CDK6: variants seen among roughly 807,000 people sequenced by gnomAD.
CDK6 encodes cyclin-dependent kinase 6.
A neutral mutation model predicts 37.1 loss-of-function variants in CDK6; 6 were observed. That is an observed-to-expected ratio of 0.16 (90% CI 0.09 to 0.32). The LOEUF is 0.32. Among genes scored for constraint, CDK6 ranks in the 10% least tolerant of loss-of-function variants. CDK6 has a pLI of 1.00. For synonymous variants in CDK6, 160 were observed against 161.3 expected (o/e 0.99, Z 0.06); for missense variants, 224 against 418.9 (o/e 0.53, Z 4.06).
chr7:92,676,157 C>A (rs1271664420), intron 4 of CDK6, among the ~76,000 whole-genome samples: 1 of 151,550 alleles, frequency 6.6e-6, no homozygotes, highest in East Asian at 1.9e-4. Flanking sequence ...TAGCTCATTT[C>A]TTTTCCATTT....
chr7:92,610,049 C>T lies in CDK6; in HGVS notation c.*5091G>A, dbSNP rs1230593826. 2 of 229,692 alleles carry T rather than the reference C, an allele frequency of 8.7e-6. No homozygotes were observed. Among genetic ancestry groups the T allele is most frequent in the South Asian group, 1.8e-4 (1 of 5,494 alleles). The allele number at this position is 229,692 out of a possible 1,614,324, so 14.2% of individuals were successfully genotyped here. A position where few individuals can be genotyped will look rare whatever the true frequency, so the allele number is the denominator to read the frequency against. On this transcript the variant is annotated 3_prime_UTR_variant, in exon 8 of 8. Coordinates refer to ENST00000424848, the MANE Select transcript of CDK6 (RefSeq NM_001145306.2). ...TAGAATGAAATCTCTTTTAGAAGTA[C>T]CTCTTTAGTCTTCATCAGATTTGTT...
At chr7:92,642,735 G>A (rs1296299155) in intron 5 of CDK6, among the ~76,000 whole-genome samples, 2 of 152,052 alleles carry the variant, frequency 1.3e-5, no homozygotes, top group Non-Finnish European at 2.9e-5. Flanking sequence ...GGAAACTGAG[G>A]TTGAGGGATG....
chr7:92,682,680 T>C (rs543116367), intron 4 of CDK6, among the ~76,000 whole-genome samples: 3 of 152,224 alleles, frequency 2.0e-5, no homozygotes, highest in East Asian at 3.9e-4. Context: ...GACAGCAGAA[T>C]GGAGAGTTAC....
In CDK6 at chr7:92,609,477, C is replaced by T; in HGVS notation, c.*5663G>A. ...TTCTTATGAATTTACATTTGTGATT[C>T]CACAAATGTTAAAATTACCTGGTCT... On this transcript the variant is annotated 3_prime_UTR_variant, in exon 8 of 8. Coordinates refer to ENST00000424848, the MANE Select transcript of CDK6 (RefSeq NM_001145306.2). 4.4e-6 allele frequency: 1 copy of T among 228,572 alleles called. No individual in the cohort carries two copies. Among genetic ancestry groups the T allele is most frequent in the Non-Finnish European group, 8.7e-6 (1 of 115,594 alleles). 14.2% of individuals were successfully genotyped at this position (228,572 alleles called of 1,614,324 possible).
At chr7:92,787,622 C>A (rs1039163265) in intron 2 of CDK6, among the ~76,000 whole-genome samples, 1 of 152,038 alleles carries the variant, frequency 6.6e-6, no homozygotes, top group African/African-American at 2.4e-5. Context: ...TGCATTACTG[C>A]CGCATTAAAG....
At chr7:92,622,405 T>C (rs530706290) in intron 6 of CDK6, among the ~76,000 whole-genome samples, 11 of 152,214 alleles carry the variant, frequency 7.2e-5, no homozygotes, top group Non-Finnish European at 1.6e-4. Context: ...TAATTAATGA[T>C]GAACTCTAAT....
At chr7:92,690,302 A>G (rs1402004113) in intron 4 of CDK6, among the ~76,000 whole-genome samples, 1 of 151,966 alleles carries the variant, frequency 6.6e-6, no homozygotes, top group African/African-American at 2.4e-5. Flanking sequence ...ATTTTTGTAT[A>G]TAAGGAAGGG....
At chr7:92,712,712 A>C (rs141652836) in intron 4 of CDK6, among the ~76,000 whole-genome samples, 1 of 152,366 alleles carries the variant, frequency 6.6e-6, no homozygotes, top group African/African-American at 2.4e-5. Context: ...TGGACTATTC[A>C]ATCTTGTCAA....
chr7:92,711,226 G>A (rs1029920618), intron 4 of CDK6, among the ~76,000 whole-genome samples: 3 of 152,178 alleles, frequency 2.0e-5, no homozygotes, highest in African/African-American at 7.2e-5. Context: ...CATCCTGGGA[G>A]ACTGGGTAAA....
chr7:92,637,682 G>A (rs1796204101), intron 5 of CDK6, among the ~76,000 whole-genome samples: 1 of 152,132 alleles, frequency 6.6e-6, no homozygotes, highest in Non-Finnish European at 1.5e-5. Context: ...ACTCTGCTAA[G>A]TAAATATCAT....
At chr7:92,672,418 G>A (rs939883931) in intron 4 of CDK6, among the ~76,000 whole-genome samples, 1 of 151,586 alleles carries the variant, frequency 6.6e-6, no homozygotes, top group Non-Finnish European at 1.5e-5. Context: ...GAGAGAATGT[G>A]TAACCCAATT....
At chr7:92,810,659 T>A (rs1800857060) in intron 2 of CDK6, among the ~76,000 whole-genome samples, 1 of 152,212 alleles carries the variant, frequency 6.6e-6, no homozygotes, top group African/African-American at 2.4e-5. Flanking sequence ...TACAATAATT[T>A]TACTGGATTT....
chr7:92,761,701 T>C (rs1311544773), intron 3 of CDK6, among the ~76,000 whole-genome samples: 3 of 152,188 alleles, frequency 2.0e-5, no homozygotes, highest in Admixed American at 1.3e-4. Context: ...GAACCATATG[T>C]TAATTATAGA....
chr7:92,667,863 A>C (rs1281105629), intron 5 of CDK6, among the ~76,000 whole-genome samples: 1 of 152,198 alleles, frequency 6.6e-6, no homozygotes, highest in Non-Finnish European at 1.5e-5. Context: ...AAAAATTTAA[A>C]AAGTTTATGA....
chr7:92,760,546 T>A (rs1290072493), intron 3 of CDK6, among the ~76,000 whole-genome samples: 1 of 152,180 alleles, frequency 6.6e-6, no homozygotes, highest in East Asian at 1.9e-4. Context: ...AACAGCCTTT[T>A]GTTGGATTAT....
At chr7:92,679,382 G>A (rs1012163712) in intron 4 of CDK6, among the ~76,000 whole-genome samples, 2 of 152,120 alleles carry the variant, frequency 1.3e-5, no homozygotes, top group Non-Finnish European at 2.9e-5. Flanking sequence ...CAACGTTATC[G>A]TTAAATATCT....
chr7:92,755,208 A>G (rs1363966039), intron 3 of CDK6, among the ~76,000 whole-genome samples: 2 of 152,126 alleles, frequency 1.3e-5, no homozygotes, highest in Admixed American at 1.3e-4. Context: ...CAGGAAAGAC[A>G]CATTGCTGTG....
chr7:92,605,511 G>A lies in CDK6; in HGVS notation c.*9629C>T, dbSNP rs7810546. 239 of 232,970 alleles carry A rather than the reference G, an allele frequency of 1.0e-3. No individual in the cohort carries two copies. Among genetic ancestry groups the A allele is most frequent in the African/African-American group, 4.8e-3 (216 of 45,444 alleles). 14.4% of individuals were successfully genotyped at this position (232,970 alleles called of 1,614,324 possible). A position where few individuals can be genotyped will look rare whatever the true frequency, so the allele number is the denominator to read the frequency against. On this transcript the variant is annotated 3_prime_UTR_variant, in exon 8 of 8. Transcript: ENST00000424848. ...GTGGTCCTTGAATGACATATTTTAC[G>A]TTACATATTTACCCTACTTTTCTAT...
chr7:92,653,743 T>C (rs1458587949), intron 5 of CDK6, among the ~76,000 whole-genome samples: 1 of 152,180 alleles, frequency 6.6e-6, no homozygotes, highest in Non-Finnish European at 1.5e-5. Context: ...TTATGGCTTT[T>C]ATTACTGCAT....
Sources: gnomAD v4.1 joint callset for allele counts (sites outside exome capture counted in the v4.1 genomes callset) on GRCh38, gnomAD v4.1.1 for gene constraint, MANE v1.5 for transcripts, NCBI Gene and HGNC (gene_info 2026-07-23, HGNC 2026-07-21) for gene names.